The following CPNE8 variants were observed in gnomAD, a reference collection of about 807,000 sequenced individuals.
The protein encoded by CPNE8 is copine-8.
CPNE8 carries 45 observed loss-of-function variants against 81.5 expected under a neutral mutation model. That is an observed-to-expected ratio of 0.55 (90% confidence interval 0.44 to 0.71). The LOEUF is 0.71. Ranked by LOEUF, CPNE8 falls within the 30% of genes least tolerant of loss-of-function variation. The pLI is 0.00. For synonymous variants in CPNE8, 252 were observed against 226.3 expected, an observed-to-expected ratio of 1.11 and a Z score of -1.02; for missense variants, 594 against 672.1, an observed-to-expected ratio of 0.88 and a Z score of 1.28.
At chr12:38,792,408 T>C (rs185605639) in intron 6 of CPNE8, among the ~76,000 whole-genome samples, 21 of 150,258 alleles carry the variant, frequency 1.4e-4, no homozygotes, top group African/African-American at 4.4e-4. Flanking sequence ...ACAATACAAC[T>C]GATGCTGCAG....
intron 19 of CPNE8, among the ~76,000 whole-genome samples, chr12:38,656,596 G>A (rs1185941711): frequency 6.6e-6 from 1 of 152,100 alleles, no homozygotes; most frequent in African/African-American, 2.4e-5. Context: ...TGGTTCTGCT[G>A]CCTGTTGCCT....
chr12:38,723,682 C>A, intron 13 of CPNE8, 90 bp downstream of exon 13: 1 of 790,152 alleles, frequency 1.3e-6, no homozygotes, highest in South Asian at 1.5e-5. Flanking sequence ...TAAAGGTGAT[C>A]ATTTCAGTGC....
At chr12:38,785,863 A>T (rs1290691197) in intron 6 of CPNE8, among the ~76,000 whole-genome samples, 1 of 152,194 alleles carries the variant, frequency 6.6e-6, no homozygotes, top group East Asian at 1.9e-4. Flanking sequence ...GAGTTATAAG[A>T]TAATATCTGC....
intron 6 of CPNE8, among the ~76,000 whole-genome samples, chr12:38,787,499 AAG>A (rs1942221452): frequency 6.6e-6 from 1 of 151,336 alleles, no homozygotes; most frequent in Admixed American, 6.6e-5. Context: ...AAAAAAAAAA[AAG>A]AAAAACTTCA....
At chr12:38,774,108 G>C (rs1224511440) in intron 7 of CPNE8, among the ~76,000 whole-genome samples, 1 of 152,078 alleles carries the variant, frequency 6.6e-6, no homozygotes, top group Non-Finnish European at 1.5e-5. Context: ...CTAAGGCCTG[G>C]TAAAAGAATT....
chr12:38,723,906 G>T, intron 12 of CPNE8, 73 bp from the exon 13 acceptor site: 1 of 840,788 alleles, frequency 1.2e-6, no homozygotes, highest in Non-Finnish European at 2.0e-6. Flanking sequence ...TTATTAGAGA[G>T]AAAATCATAT....
chr12:38,832,085 C>T (rs544406636), intron 5 of CPNE8, among the ~76,000 whole-genome samples: 126 of 152,280 alleles, frequency 8.3e-4, no homozygotes, highest in Middle Eastern at 3.4e-3. Flanking sequence ...AAAGCTATGA[C>T]GTGAATCTGT....
At chr12:38,748,036 A>C (rs971499863) in intron 10 of CPNE8, among the ~76,000 whole-genome samples, 1 of 152,082 alleles carries the variant, frequency 6.6e-6, no homozygotes, top group African/African-American at 2.4e-5. Context: ...TATTTGAGAC[A>C]GTCTCACTCT....
chr12:38,845,607 T>C (rs1181263257), intron 4 of CPNE8, among the ~76,000 whole-genome samples: 1 of 151,970 alleles, frequency 6.6e-6, no homozygotes, highest in African/African-American at 2.4e-5. Context: ...AGGTATAATA[T>C]ATATATATAT....
rs1565669771 is a variant in CPNE8, at chr12:38,902,260, G to GAA, written c.98+3175_98+3176dup. ...AAGAAAGAAAGAAAGAAAGAAAAAA[G>GAA]AAAGAAAGAAAAAGAAAAGAAAGAA... On this transcript the variant is annotated intron_variant, in intron 1 of 19. Transcript: ENST00000331366. Among the ~76,000 whole-genome samples the GAA allele has an allele frequency of 3.2e-3, 146 of 45,178 alleles. 32 individuals carry two copies. The highest frequency in any genetic ancestry group is 9.9e-3 in the African/African-American group (141 of 14,296). 29.6% of individuals were successfully genotyped at this position (45,178 alleles called of 152,430 possible).
rs192910204 is a variant in CPNE8 at position 38,786,688 on chromosome 12, G to T, written c.408-10387C>A. Among the ~76,000 whole-genome samples the T allele has an allele frequency of 3.3e-5, 5 of 152,154 alleles. No individual in the cohort carries two copies. The South Asian group carries it at 6.2e-4, about 19-fold the overall frequency. On this transcript the variant is annotated intron_variant, in intron 6 of 19. Coordinates refer to ENST00000331366, the MANE Select transcript of CPNE8 (RefSeq NM_153634.3). Reference sequence around the variant, plus strand: ...GGAAACCAAATAAGAGTAGGAGCAGGTATACTTATATCAGACAAAATAGGT... The same window carrying T: ...GGAAACCAAATAAGAGTAGGAGCAGTTATACTTATATCAGACAAAATAGGT...
intron 6 of CPNE8, among the ~76,000 whole-genome samples, chr12:38,778,222 T>C (rs1941975231): frequency 6.6e-6 from 1 of 152,090 alleles, no homozygotes; most frequent in Non-Finnish European, 1.5e-5. Context: ...ACAAAACCGC[T>C]CCTTGGTACC....
rs1409901166 is a variant in CPNE8 at position 38,652,618 on chromosome 12, A to T, written c.*1264T>A. ...TTTTGACACACACACACACACAAATAAATACACTTTTCTATTATTTGAAGG... is the reference window on the plus strand; with the variant it reads ...TTTTGACACACACACACACACAAATTAATACACTTTTCTATTATTTGAAGG... On this transcript the variant is annotated 3_prime_UTR_variant, in exon 20 of 20. Coordinates refer to ENST00000331366, the MANE Select transcript of CPNE8 (RefSeq NM_153634.3). 6.6e-6 allele frequency: 1 copy of T among 152,548 alleles called. No homozygotes were observed. Among genetic ancestry groups the T allele is most frequent in the Non-Finnish European group, 1.5e-5 (1 of 68,006 alleles). The allele number at this position is 152,548 out of a possible 1,614,324, so 9.4% of individuals were successfully genotyped here.
rs373901532 is a variant in CPNE8 at position 38,739,680 on chromosome 12, T to G, written c.723-9322A>C. On this transcript the variant is annotated intron_variant, in intron 10 of 19. Transcript: ENST00000331366. ...TAAAATACCTTTTCCTATTCACTTT[T>G]TAAAAGTTGATATAATTAATTAGCG... Among the ~76,000 whole-genome samples, 46 of 152,328 alleles carry G rather than the reference T, an allele frequency of 3.0e-4. 1 individual carries two copies. The highest frequency in any genetic ancestry group is 2.9e-3 in the South Asian group (14 of 4,828).
chr12:38,799,026 C>T (rs1418410293), intron 6 of CPNE8, among the ~76,000 whole-genome samples: 1 of 152,170 alleles, frequency 6.6e-6, no homozygotes, highest in Non-Finnish European at 1.5e-5. Context: ...TCACCCAATA[C>T]AGGAGCACCC....
intron 10 of CPNE8, among the ~76,000 whole-genome samples, chr12:38,754,612 C>T (rs1044987583): frequency 6.6e-6 from 1 of 151,094 alleles, no homozygotes; most frequent in Non-Finnish European, 1.5e-5. Flanking sequence ...AAATTGATTA[C>T]CACTTCAGGT....
At chr12:38,877,371 C>A (rs1327994821) in intron 1 of CPNE8, among the ~76,000 whole-genome samples, 2 of 151,718 alleles carry the variant, frequency 1.3e-5, no homozygotes, top group African/African-American at 2.4e-5. Flanking sequence ...ATACACACAC[C>A]CCTCCATGAC....
chr12:38,778,568 A>T (rs934001792), intron 6 of CPNE8, among the ~76,000 whole-genome samples: 23 of 152,104 alleles, frequency 1.5e-4, no homozygotes, highest in African/African-American at 5.3e-4. Context: ...CATATCCCCA[A>T]ATTGGATATG....
At chr12:38,658,234 T>G (rs555749223) in intron 19 of CPNE8, among the ~76,000 whole-genome samples, 1 of 152,106 alleles carries the variant, frequency 6.6e-6, no homozygotes, top group East Asian at 1.9e-4. Flanking sequence ...AACCATGGCA[T>G]GAGAACTACG....
Sources: gnomAD v4.1 joint callset for allele counts (sites outside exome capture counted in the v4.1 genomes callset) on GRCh38, gnomAD v4.1.1 for gene constraint, MANE v1.5 for transcripts, NCBI Gene and HGNC (gene_info 2026-07-23, HGNC 2026-07-21) for gene names.